Variants in USP10 observed in about 807,000 individuals in gnomAD.
USP10 encodes the protein ubiquitin carboxyl-terminal hydrolase 10.
In USP10, 22 loss-of-function variants were observed where a neutral mutation model predicts 84.5. The ratio of observed to expected loss-of-function variants is 0.26; its 90% CI spans 0.19 to 0.37. The LOEUF is 0.37. Ranked by LOEUF, USP10 falls within the 10% of genes least tolerant of loss-of-function variation. The pLI, the probability that USP10 is intolerant of heterozygous loss-of-function variation, is 1.00. For synonymous variants in USP10, 454 were observed against 387.6 expected, an observed-to-expected ratio of 1.17 and a Z score of -2.01; for missense variants, 1,019 against 998.9, an observed-to-expected ratio of 1.02 and a Z score of -0.27.
At chr16:84,729,702 C>T (rs1908964363) in intron 1 of USP10, among the ~76,000 whole-genome samples, 1 of 152,176 alleles carries the variant, frequency 6.6e-6, no homozygotes, top group South Asian at 2.1e-4. Flanking sequence ...TGTAACTGCT[C>T]ACTTTTAAAA....
intron 1 of USP10, among the ~76,000 whole-genome samples, chr16:84,717,792 C>A (rs563013980): frequency 9.2e-5 from 14 of 152,244 alleles, no homozygotes; most frequent in African/African-American, 3.4e-4. Flanking sequence ...TCATTGAGGT[C>A]CTAGTCTCTG....
intron 2 of USP10, among the ~76,000 whole-genome samples, chr16:84,739,939 A>G (rs1297671510): frequency 6.6e-6 from 1 of 152,240 alleles, no homozygotes; most frequent in East Asian, 1.9e-4. Context: ...CATCTTCGCT[A>G]GTGCACAAAC....
At chr16:84,770,191 G>A (rs1399222212) in intron 11 of USP10, among the ~76,000 whole-genome samples, 1 of 152,178 alleles carries the variant, frequency 6.6e-6, no homozygotes, top group African/African-American at 2.4e-5. Flanking sequence ...CAGCCGTTCT[G>A]GGTGCGTGGT....
intron 4 of USP10, among the ~76,000 whole-genome samples, chr16:84,747,958 C>T (rs937999549): frequency 7.9e-5 from 12 of 151,660 alleles, no homozygotes; most frequent in Non-Finnish European, 1.3e-4. Context: ...CGAGACCATC[C>T]TGGCTAACAC....
intron 10 of USP10, among the ~76,000 whole-genome samples, 198 bp from the exon 11 acceptor site, chr16:84,767,995 G>A (rs924812169): frequency 2.0e-5 from 3 of 151,990 alleles, no homozygotes; most frequent in Non-Finnish European, 4.4e-5. Flanking sequence ...CGAGCATGCT[G>A]CCTTCAAGCA....
At chr16:84,720,775 G>C (rs762958912) in intron 1 of USP10, among the ~76,000 whole-genome samples, 20 of 150,624 alleles carry the variant, frequency 1.3e-4, no homozygotes, top group Non-Finnish European at 2.8e-4. Context: ...ATAGAGACGG[G>C]GTTTCACCGT....
chr16:84,733,151 T>C (rs1476419265), intron 1 of USP10: 1 of 511,396 alleles, frequency 2.0e-6, no homozygotes. Flanking sequence ...AAAAATCTCC[T>C]GCAAGCAGGA....
At chr16:84,753,889 A>G (rs982221549) in intron 4 of USP10, among the ~76,000 whole-genome samples, 2 of 152,198 alleles carry the variant, frequency 1.3e-5, no homozygotes, top group Admixed American at 6.5e-5. Context: ...AAGGCATAAG[A>G]TCAGAAAGGA....
At chr16:84,720,986 C>G (rs1020516013) in intron 1 of USP10, among the ~76,000 whole-genome samples, 3 of 149,688 alleles carry the variant, frequency 2.0e-5, no homozygotes, top group South Asian at 2.2e-4. Flanking sequence ...CTCCGCCTGC[C>G]GTATTCAAGC....
chr16:84,718,620 C>T (rs562423198), intron 1 of USP10, among the ~76,000 whole-genome samples: 1 of 151,852 alleles, frequency 6.6e-6, no homozygotes, highest in Admixed American at 6.6e-5. Context: ...GCCCAGACAT[C>T]GTGGCACATG....
intron 10 of USP10, among the ~76,000 whole-genome samples, chr16:84,767,393 T>A (rs1913980188): frequency 6.6e-6 from 1 of 152,214 alleles, no homozygotes; most frequent in Non-Finnish European, 1.5e-5. Context: ...ATTGGCGCCC[T>A]TCTTGGAAGG....
At chr16:84,771,165 A>G (rs147354865) in intron 11 of USP10, among the ~76,000 whole-genome samples, 2 of 152,356 alleles carry the variant, frequency 1.3e-5, no homozygotes, top group East Asian at 1.9e-4. Context: ...CTTAGTGACA[A>G]AAAACCTGGC....
intron 11 of USP10, 142 bp from the exon 12 acceptor site, chr16:84,772,399 G>A (rs1372896080): frequency 1.4e-5 from 16 of 1,120,708 alleles, no homozygotes; most frequent in Non-Finnish European, 1.9e-5. Context: ...GAGCTTCTGT[G>A]GGGCAGGAAA....
intron 11 of USP10, among the ~76,000 whole-genome samples, chr16:84,769,127 G>T (rs2150866365): frequency 1.3e-5 from 2 of 152,308 alleles, no homozygotes; most frequent in Middle Eastern, 6.8e-3. Context: ...GATAATTATG[G>T]ACGGTCCATA....
rs1159201372 is a variant in USP10, at chr16:84,779,239, C to T, written c.*157C>T. On this transcript the variant is annotated 3_prime_UTR_variant, in exon 14 of 14. Coordinates refer to ENST00000219473, the MANE Select transcript of USP10 (RefSeq NM_005153.3). ...AAGGAGATGCCTTGGGGTTCGTGCA[C>T]AACACAGCTTCTGTTGACTCTAACT... The T allele has an allele frequency of 8.1e-6, 6 of 743,006 alleles. No homozygotes were observed. The highest frequency in any genetic ancestry group is 1.3e-5 in the Non-Finnish European group (6 of 476,902). The allele number at this position is 743,006 out of a possible 1,614,324, so 46.0% of individuals were successfully genotyped here.
At chr16:84,777,773 G>T (rs991851786) in intron 13 of USP10, among the ~76,000 whole-genome samples, 3 of 152,154 alleles carry the variant, frequency 2.0e-5, no homozygotes, top group Non-Finnish European at 4.4e-5. Flanking sequence ...ACCTGGTGAT[G>T]TTTGGTCTTG....
chr16:84,708,817 C>T (rs1905888498), intron 1 of USP10: 1 of 152,202 alleles, frequency 6.6e-6, no homozygotes, highest in Admixed American at 6.5e-5. Flanking sequence ...GAATACTAGA[C>T]ACTTTTTTCA....
Position 84,744,921 on chromosome 16 carries a change from G to C in USP10, c.440G>C (p.Arg147Thr), listed in dbSNP as rs777036707. ...GGTGTCTCAGGTGGTCTTGGACAAA[G>C]GGAGCGTAAAAAGAAGAAAAAGCGG... is the stretch of plus-strand genomic sequence containing the variant. ...NDGVSGGLGQ[R>T]ERKKKKKRPP... Residue 147 changes from arginine (R) to threonine (T), a missense_variant, in exon 4 of 14, where the codon AGG becomes ACG. Transcript: ENST00000219473. 6 of 1,613,654 alleles carry C rather than the reference G, an allele frequency of 3.7e-6. No individual in the cohort carries two copies.
intron 1 of USP10, among the ~76,000 whole-genome samples, chr16:84,706,884 G>C (rs1482891117): frequency 6.6e-6 from 1 of 150,844 alleles, no homozygotes; most frequent in African/African-American, 2.4e-5. Flanking sequence ...AGGCTTTCTG[G>C]GTAGATCTGA....
Sources: allele counts gnomAD v4.1 joint callset (sites outside exome capture counted in the v4.1 genomes callset), GRCh38; gene constraint gnomAD v4.1.1; transcripts MANE v1.5; gene names NCBI Gene and HGNC (gene_info 2026-07-23, HGNC 2026-07-21).